PDPR: variants seen among roughly 807,000 people sequenced by gnomAD.
The protein encoded by PDPR is pyruvate dehydrogenase phosphatase regulatory subunit, mitochondrial.
A neutral mutation model predicts 102.2 loss-of-function variants in PDPR; 50 were observed. The observed-to-expected ratio is 0.49, with a 90% CI of 0.39 to 0.62. The LOEUF (loss-of-function observed/expected upper bound fraction) is 0.62. PDPR is among the 20% of genes least tolerant of loss of function. The probability of loss-of-function intolerance (pLI) is 0.00; values close to 1 mark genes in which losing one functional copy is unlikely to be tolerated. For missense variants in PDPR, 625 were observed against 1,098.2 expected (o/e 0.57, Z 6.09); for synonymous variants, 259 against 406.0 (o/e 0.64, Z 4.35).
rs1433886646 is a variant in PDPR at position 70,159,475 on chromosome 16, C to G, written c.*2596C>G. On this transcript the variant is annotated 3_prime_UTR_variant, in exon 19 of 19. Coordinates refer to ENST00000288050, the MANE Select transcript of PDPR (RefSeq NM_017990.5). ...TCACTTGTTTATTCAGTGCCCCAAA[C>G]ACAGATTTCTCTTCTAGCACTTTAG... 6.6e-6 allele frequency: 1 copy of G among 152,634 alleles called. No homozygotes were observed. The highest frequency in any genetic ancestry group is 2.4e-5 in the African/African-American group (1 of 41,486). The allele number at this position is 152,634 out of a possible 1,614,324, so 9.5% of individuals were successfully genotyped here.
chr16:70,132,276 C>T lies in PDPR; in HGVS notation c.973C>T (p.Leu325=). The part of the protein sequence containing the change: ...EGKNQLEIQN[L]QEDWDHFEPL... The stretch of plus-strand genomic sequence containing the variant: ...CAAGAACCAGCTGGAGATTCAGAAT[C>T]TACAGGAAGACTGGGATCACTTTGG... The change falls in exon 9 of 19, where the codon CTA becomes TTA. Residue 325 remains leucine (L), a synonymous_variant. Transcript: ENST00000288050. 1 of 1,613,962 alleles carries T rather than the reference C, an allele frequency of 6.2e-7. No individual in the cohort carries two copies. The highest frequency in any genetic ancestry group is 8.5e-7 in the Non-Finnish European group (1 of 1,179,806).
chr16:70,138,671 C>G (rs1252492455), intron 10 of PDPR, among the ~76,000 whole-genome samples: 1 of 152,234 alleles, frequency 6.6e-6, no homozygotes, highest in Non-Finnish European at 1.5e-5. Context: ...TGTTAAATAC[C>G]TCCTAGGGAA....
chr16:70,155,524 G>T (rs889175146), intron 18 of PDPR, among the ~76,000 whole-genome samples: 3 of 152,256 alleles, frequency 2.0e-5, no homozygotes, highest in African/African-American at 7.2e-5. Flanking sequence ...TGAAGTGGGA[G>T]AATCACTTGA....
rs1416489770 is a variant in PDPR, at chr16:70,156,907, C to T, written c.*28C>T. Reference sequence around the variant, plus strand: ...CCACCAGGGCAGCCTCACCTCCTCCCCATCATCTTGTCCTAGAGTGGGCGT... The same window carrying T: ...CCACCAGGGCAGCCTCACCTCCTCCTCATCATCTTGTCCTAGAGTGGGCGT... On this transcript the variant is annotated 3_prime_UTR_variant, in exon 19 of 19. Coordinates refer to ENST00000288050, the MANE Select transcript of PDPR (RefSeq NM_017990.5). 7 of 1,607,118 alleles carry T rather than the reference C, an allele frequency of 4.4e-6. No individual in the cohort carries two copies. Among genetic ancestry groups the T allele is most frequent in the Non-Finnish European group, 5.9e-6 (7 of 1,176,928 alleles).
chr16:70,150,840 G>A (rs937773850), intron 17 of PDPR, among the ~76,000 whole-genome samples: 2 of 152,248 alleles, frequency 1.3e-5, no homozygotes, highest in East Asian at 1.9e-4. Context: ...AGTGCAGTGG[G>A]ATGATCATAG....
Position 70,157,140 on chromosome 16 carries a change from G to A in PDPR, c.*261G>A, listed in dbSNP as rs1365780024. 1.5e-6 allele frequency: 1 copy of A among 667,980 alleles called. No individual in the cohort carries two copies. The highest frequency in any genetic ancestry group is 1.5e-5 in the South Asian group (1 of 66,368). 41.4% of individuals were successfully genotyped at this position (667,980 alleles called of 1,614,324 possible). A position where few individuals can be genotyped will look rare whatever the true frequency, so the allele number is the denominator to read the frequency against. ...CTCACTCAGCTTCTCGTGGTGGCAG[G>A]AGGTATGTCTGACAGGACAGAAGCA... is the stretch of plus-strand genomic sequence containing the variant. On this transcript the variant is annotated 3_prime_UTR_variant, in exon 19 of 19. Coordinates refer to ENST00000288050, the MANE Select transcript of PDPR (RefSeq NM_017990.5).
intron 18 of PDPR, among the ~76,000 whole-genome samples, chr16:70,154,735 G>A (rs1052653788): frequency 3.7e-4 from 57 of 152,298 alleles, no homozygotes; most frequent in Admixed American, 7.2e-4. Flanking sequence ...GCCCTCTCAT[G>A]CTCAAGTGAT....
At chr16:70,162,816 C>T (rs1292949972), downstream of PDPR, among the ~76,000 whole-genome samples, 6 of 152,280 alleles carry the variant, frequency 3.9e-5, no homozygotes, top group South Asian at 1.0e-3. Context: ...CACACGGGCA[C>T]GTGTGCACTC....
intron 2 of PDPR, among the ~76,000 whole-genome samples, chr16:70,115,587 G>A (rs1962556621): frequency 6.6e-6 from 1 of 152,056 alleles, no homozygotes; most frequent in Non-Finnish European, 1.5e-5. Flanking sequence ...TGTGGGAAAT[G>A]TTGTGTGAAC....
At position 70,155,922 on chromosome 16, in the gene PDPR, T is replaced by C. The variant is rs367759303; in HGVS notation, c.2236-553T>C. 4.6e-5 allele frequency among the ~76,000 whole-genome samples: 7 copies of C among 152,008 alleles called. No individual in the cohort carries two copies. In the East Asian group the frequency reaches 5.8e-4, roughly 13 times the overall value. On this transcript the variant is annotated intron_variant, in intron 18 of 18. Coordinates refer to ENST00000288050, the MANE Select transcript of PDPR (RefSeq NM_017990.5). ...GGTTCAAACGATTTTCCTGTCTCAG[T>C]CTCCCTAGAATTATAGGCACACTCC...
intron 11 of PDPR, among the ~76,000 whole-genome samples, chr16:70,140,291 T>C (rs1965575884): frequency 6.6e-6 from 1 of 152,194 alleles, no homozygotes; most frequent in Admixed American, 6.5e-5. Context: ...CAGTGAGCCA[T>C]GATGGTGCCA....
chr16:70,156,351 G>A, intron 18 of PDPR, 124 bp from the exon 19 acceptor site: 1 of 1,192,430 alleles, frequency 8.4e-7, no homozygotes, highest in Non-Finnish European at 1.2e-6. Flanking sequence ...AAAGCTGGCA[G>A]GGTTGTGGGA....
At position 70,148,533 on chromosome 16, in the gene PDPR, A is replaced by G. The variant is rs375512554; in HGVS notation, c.2032A>G (p.Met678Val). 3.6e-5 allele frequency: 58 copies of G among 1,612,568 alleles called. No individual in the cohort carries two copies. The highest frequency in any genetic ancestry group is 4.5e-5 in the Non-Finnish European group (53 of 1,178,906). The change falls in exon 17 of 19, where the codon ATG (methionine) becomes GTG (valine). Residue 678 changes from methionine (M) to valine (V), a missense_variant. Coordinates refer to ENST00000288050, the MANE Select transcript of PDPR (RefSeq NM_017990.5). ...GACGCACACAGGAGAGCCAGGATTCATGCTCTACATCCCCATAGAGGTGAG... is the reference window on the plus strand; with the variant it reads ...GACGCACACAGGAGAGCCAGGATTCGTGCTCTACATCCCCATAGAGGTGAG... ...SMTHTGEPGFMLYIPIEYALH... is the reference protein window; with the variant it reads ...SMTHTGEPGFVLYIPIEYALH...
In PDPR at chr16:70,161,281, C is replaced by CAAAAAAAAAAAAAAAAAAAAAAAAAAAAA. The variant is rs56353884; in HGVS notation, c.*4421_*4422insAAAAAAAAAAAAAAAAAAAAAAAAAAAAA. On this transcript the variant is annotated 3_prime_UTR_variant, in exon 19 of 19. Transcript: ENST00000288050. ...GGGTAACAGAGTGAGACTCTTGTCT[C>CAAAAAAAAAAAAAAAAAAAAAAAAAAAAA]AAAAAAAAAAAAAAAAAAATCTAAG... is the stretch of plus-strand genomic sequence containing the variant. 7.6e-6 allele frequency: 1 copy of CAAAAAAAAAAAAAAAAAAAAAAAAAAAAA among 130,782 alleles called. No individual in the cohort carries two copies. 8.1% of individuals were successfully genotyped at this position (130,782 alleles called of 1,614,324 possible).
Position 70,124,483 on chromosome 16 carries a change from A to T in PDPR, c.228-2777A>T, listed in dbSNP as rs546730747. On this transcript the variant is annotated intron_variant, in intron 3 of 18. Transcript: ENST00000288050. ...TGTTCTCATAGATCAATGGGTCTTA[A>T]ATCTGTCTGCACATTAGAATCAGCT... is the stretch of plus-strand genomic sequence containing the variant. Among the ~76,000 whole-genome samples, 7 of 152,402 alleles carry T rather than the reference A, an allele frequency of 4.6e-5. No homozygotes were observed. The East Asian group carries it at 1.3e-3, about 29-fold the overall frequency.
intron 1 of PDPR, 47 bp downstream of exon 1, chr16:70,114,487 G>T (rs1182615407): frequency 1.3e-5 from 2 of 152,212 alleles, no homozygotes; most frequent in Non-Finnish European, 2.9e-5. Flanking sequence ...GTCCGCGCGG[G>T]CCTAAGCGCC....
chr16:70,143,064 G>A (rs1487654667), intron 13 of PDPR, among the ~76,000 whole-genome samples: 13 of 152,236 alleles, frequency 8.5e-5, no homozygotes, highest in African/African-American at 2.2e-4. Context: ...GCATGGTGGC[G>A]GGCACTTGTA....
At chr16:70,124,274 A>G (rs1306740092) in intron 3 of PDPR, among the ~76,000 whole-genome samples, 3 of 152,200 alleles carry the variant, frequency 2.0e-5, no homozygotes, top group African/African-American at 7.2e-5. Context: ...GAGGCAGGAG[A>G]ATTGCTTGAA....
chr16:70,129,604 C>T (rs1425273209), intron 6 of PDPR, among the ~76,000 whole-genome samples: 1 of 152,274 alleles, frequency 6.6e-6, no homozygotes. Flanking sequence ...CTGCCTCGGC[C>T]TCCCTAAGTG....
Sources: gnomAD v4.1 joint callset for allele counts (sites outside exome capture counted in the v4.1 genomes callset) on GRCh38, gnomAD v4.1.1 for gene constraint, MANE v1.5 for transcripts, NCBI Gene and HGNC (gene_info 2026-07-23, HGNC 2026-07-21) for gene names.